The following NEBL variants were observed in gnomAD, a reference collection of about 807,000 sequenced individuals.
The protein encoded by NEBL is nebulette.
NEBL carries 122 observed loss-of-function variants against 140.2 expected under a neutral mutation model. That is an observed-to-expected ratio of 0.87 (90% CI 0.75 to 1.01). NEBL has a LOEUF of 1.01. Among genes scored for constraint, NEBL ranks in the 50% least tolerant of loss-of-function variants. The pLI is 0.00. For synonymous variants in NEBL, 436 were observed against 398.9 expected (o/e 1.09, Z -1.11); for missense variants, 1,365 against 1,231.3 (o/e 1.11, Z -1.62).
intron 3 of NEBL, among the ~76,000 whole-genome samples, chr10:21,206,968 CTTTTTTTTTTTTTTT>C (rs1028716031): frequency 0.01 from 1,007 of 99,152 alleles, 25 homozygotes; most frequent in African/African-American, 0.037. Flanking sequence ...CTTTTTCTTT[CTTTTTTTTTTTTTTT>C]TTTTTTTTTA....
chr10:21,124,229 A>G (rs1369451601), intron 2 of NEBL, among the ~76,000 whole-genome samples: 1 of 152,236 alleles, frequency 6.6e-6, no homozygotes, highest in Non-Finnish European at 1.5e-5. Context: ...TAAAGCTTTT[A>G]GCATATTGAT....
At chr10:20,942,207 A>G (rs1376104757) in intron 4 of NEBL, among the ~76,000 whole-genome samples, 1 of 152,246 alleles carries the variant, frequency 6.6e-6, no homozygotes, top group Non-Finnish European at 1.5e-5. Flanking sequence ...GGCTACAGTA[A>G]CCAAAACAGC....
At chr10:20,819,344 A>G (rs1839045719) in intron 20 of NEBL, 80 bp downstream of exon 20, 1 of 1,603,910 alleles carries the variant, frequency 6.2e-7, no homozygotes, top group African/African-American at 1.3e-5. Flanking sequence ...TGCTAAGGAT[A>G]ATGGCCTTCC....
At chr10:21,191,941 A>C (rs1841580474) in intron 3 of NEBL, among the ~76,000 whole-genome samples, 1 of 152,210 alleles carries the variant, frequency 6.6e-6, no homozygotes, top group Admixed American at 6.5e-5. Context: ...TCTGTAAAAC[A>C]AAGTTTTTAG....
chr10:20,896,392 C>CCCTTGCAATAATAT (rs1257972954), intron 2 of NEBL, among the ~76,000 whole-genome samples: 2 of 149,262 alleles, frequency 1.3e-5, no homozygotes, highest in African/African-American at 4.9e-5. Flanking sequence ...ACAAAAATAC[C>CCCTTGCAATAATAT]CCTTGCACTA....
chr10:21,145,540 G>A (rs1839852090), intron 2 of NEBL, among the ~76,000 whole-genome samples: 1 of 152,196 alleles, frequency 6.6e-6, no homozygotes, highest in African/African-American at 2.4e-5. Context: ...AAATGAATAT[G>A]TATACACCTT....
At chr10:21,284,036 TAAAA>T (rs5783774) in intron 1 of NEBL, among the ~76,000 whole-genome samples, 7 of 67,598 alleles carry the variant, frequency 1.0e-4, no homozygotes, top group Non-Finnish European at 1.0e-4. Flanking sequence ...TAATCTGCAC[TAAAA>T]AAAAAAAAAA....
chr10:21,177,731 C>A (rs1034635499), upstream of NEBL, among the ~76,000 whole-genome samples: 3 of 151,906 alleles, frequency 2.0e-5, no homozygotes, highest in African/African-American at 7.3e-5. Context: ...GGTTTCACTG[C>A]GTTAGCCAGG....
intron 1 of NEBL, among the ~76,000 whole-genome samples, chr10:21,289,598 A>G (rs1843114907): frequency 1.3e-5 from 2 of 152,110 alleles, no homozygotes; most frequent in Admixed American, 1.3e-4. Context: ...TCACAACCAC[A>G]GTGTCAGGAC....
intron 2 of NEBL, among the ~76,000 whole-genome samples, chr10:20,894,927 T>C (rs183337607): frequency 0.03 from 2,385 of 79,762 alleles, 42 homozygotes; most frequent in African/African-American, 0.092. Context: ...AGACTCTGTC[T>C]AAAAAAAAAA....
At position 20,852,632 on chromosome 10, in the gene NEBL, G is replaced by C. The variant is rs369291648; in HGVS notation, c.921C>G (p.Leu307=). The C allele has an allele frequency of 2.5e-6, 4 of 1,612,714 alleles. No individual in the cohort carries two copies. Among genetic ancestry groups the C allele is most frequent in the East Asian group, 4.5e-5 (2 of 44,812 alleles). Residue 307 remains leucine, a synonymous_variant, in exon 10 of 28, where the codon CTC becomes CTG. Transcript: ENST00000377122. ...KMLSGREYKK[L]FEENKGMYHF... is the part of the protein sequence containing the mutation. Reference sequence around the variant, plus strand: ...GATACATTCCTTTGTTTTCCTCAAAGAGCTTTTTATATTCTCGCTAAAATA... The same window carrying C: ...GATACATTCCTTTGTTTTCCTCAAACAGCTTTTTATATTCTCGCTAAAATA...
chr10:21,252,037 T>C (rs1842595027), intron 1 of NEBL, among the ~76,000 whole-genome samples: 1 of 152,122 alleles, frequency 6.6e-6, no homozygotes, highest in Non-Finnish European at 1.5e-5. Flanking sequence ...TTCCCCGCCC[T>C]CCGCTTCTCT....
intron 1 of NEBL, among the ~76,000 whole-genome samples, chr10:21,267,505 ACAGT>A (rs1274713448): frequency 6.6e-6 from 1 of 152,214 alleles, no homozygotes; most frequent in African/African-American, 2.4e-5. Flanking sequence ...GACATGGATC[ACAGT>A]CAGGGCTGCT....
intron 4 of NEBL, among the ~76,000 whole-genome samples, chr10:20,917,989 C>T (rs184038073): frequency 1.3e-5 from 2 of 152,188 alleles, no homozygotes; most frequent in East Asian, 1.9e-4. Context: ...ATAACAGGAT[C>T]CAAAATGATA....
intron 7 of NEBL, among the ~76,000 whole-genome samples, chr10:20,861,334 C>T (rs1001338472): frequency 1.3e-5 from 2 of 152,276 alleles, no homozygotes; most frequent in East Asian, 1.9e-4. Context: ...CTCGCCACCA[C>T]GCTCAGCTAA....
intron 2 of NEBL, chr10:21,030,888 A>G: frequency 1.1e-5 from 3 of 266,440 alleles, no homozygotes; most frequent in Non-Finnish European, 2.2e-5. Context: ...CATGGCACTC[A>G]CCAATCAAAA....
intron 3 of NEBL, among the ~76,000 whole-genome samples, chr10:20,984,543 T>C (rs1837180076): frequency 6.6e-6 from 1 of 152,154 alleles, no homozygotes; most frequent in South Asian, 2.1e-4. Flanking sequence ...GAAATTCGAC[T>C]TGTTTTAAGC....
Position 20,963,003 on chromosome 10 carries a change from A to AACACACACAC in NEBL, c.250-1234_250-1225dup, listed in dbSNP as rs35031266. On this transcript the variant is annotated intron_variant, in intron 3 of 6. Coordinates refer to the NEBL transcript ENST00000417816. ...TTTTACCAGACAAGCTTGAAAGAAA[A>AACACACACAC]ACACACACACACACACACACACACA... Among the ~76,000 whole-genome samples, 1,290 of 143,276 alleles carry AACACACACAC rather than the reference A, an allele frequency of 9.0e-3. 7 individuals are homozygous for AACACACACAC. Among genetic ancestry groups the AACACACACAC allele is most frequent in the Non-Finnish European group, 0.012 (803 of 66,098 alleles). 94.0% of individuals were successfully genotyped at this position (143,276 alleles called of 152,430 possible).
upstream of NEBL, chr10:21,174,818 C>G (rs1403487449): frequency 6.6e-6 from 1 of 152,244 alleles, no homozygotes; most frequent in East Asian, 1.9e-4. Context: ...CACCGGCTCC[C>G]AGACCCCGCG....
Sources: allele counts gnomAD v4.1 joint callset (sites outside exome capture counted in the v4.1 genomes callset), GRCh38; gene constraint gnomAD v4.1.1; transcripts MANE v1.5; gene names NCBI Gene and HGNC (gene_info 2026-07-23, HGNC 2026-07-21).